The following BAG2 variants were observed in gnomAD, a reference collection of about 807,000 sequenced individuals.
The protein encoded by BAG2 is BAG cochaperone 2, also known as BAG family molecular chaperone regulator 2.
Under a neutral mutation model 16.4 loss-of-function variants are expected in BAG2, and 8 were observed. That is an observed-to-expected ratio of 0.49 (90% CI 0.29 to 0.88). The LOEUF is 0.88. Among genes scored for constraint, BAG2 ranks in the 40% least tolerant of loss-of-function variants. BAG2 has a pLI of 0.09. For synonymous variants in BAG2, 82 were observed against 89.2 expected, an observed-to-expected ratio of 0.92 and a Z score of 0.46; for missense variants, 218 against 248.9, an observed-to-expected ratio of 0.88 and a Z score of 0.84.
chr6:57,176,680 G>A (rs1764294241), intron 1 of BAG2, among the ~76,000 whole-genome samples: 1 of 152,208 alleles, frequency 6.6e-6, no homozygotes, highest in African/African-American at 2.4e-5. Context: ...AAGGGATGGG[G>A]TTGGGGGTGA....
At chr6:57,174,451 AAT>A in intron 1 of BAG2, 1 of 1,232,550 alleles carries the variant, frequency 8.1e-7, no homozygotes, top group Admixed American at 2.3e-5. Context: ...TCAGGTTTTG[AAT>A]ATTATTATAT....
Position 57,172,816 on chromosome 6 carries a change from C to A in BAG2, c.113+6C>A. 6.6e-7 allele frequency: 1 copy of A among 1,515,324 alleles called. No homozygotes were observed. Among genetic ancestry groups the A allele is most frequent in the Non-Finnish European group, 8.8e-7 (1 of 1,130,364 alleles). 93.9% of individuals were successfully genotyped at this position (1,515,324 alleles called of 1,614,324 possible). On this transcript the variant is annotated splice_donor_region_variant and intron_variant, in intron 1 of 2. Transcript: ENST00000370693. ...CTGGACCAGCTGGAGCTCAGGTGAG[C>A]TCCGGGCGGGCGGTCTCGGGCGTTC...
At position 57,184,249 on chromosome 6, in the gene BAG2, TTTAA is replaced by T. The variant is rs1438305765; in HGVS notation, c.*62_*65del. The T allele has an allele frequency of 1.4e-6, 2 of 1,385,552 alleles. No homozygotes were observed. The highest frequency in any genetic ancestry group is 1.9e-6 in the Non-Finnish European group (2 of 1,064,308). 85.8% of individuals were successfully genotyped at this position (1,385,552 alleles called of 1,614,324 possible). On this transcript the variant is annotated 3_prime_UTR_variant, in exon 3 of 3. Transcript: ENST00000370693. ...AGGTGTAAAAATGATAAAATACTAT[TTTAA>T]TTGATAACTAGTTCTTTGTTAGGTA...
intron 2 of BAG2, among the ~76,000 whole-genome samples, chr6:57,183,379 G>A (rs1764525839): frequency 6.6e-6 from 1 of 152,154 alleles, no homozygotes; most frequent in Non-Finnish European, 1.5e-5. Context: ...AAAATTTGGG[G>A]CATTGTATTC....
At position 57,188,209 on chromosome 6, in the gene BAG2, A is replaced by G. The variant is rs948299839; in HGVS notation, c.*4019A>G. ...TTGGAAAAAAAATGTCAATTTTTGA[A>G]GGCTTTAAGAATTGATTAAATTGAG... is the stretch of plus-strand genomic sequence containing the variant. On this transcript the variant is annotated 3_prime_UTR_variant, in exon 3 of 3. Transcript: ENST00000370693. The G allele has an allele frequency of 6.6e-6, 1 of 152,318 alleles. No individual in the cohort carries two copies. Among genetic ancestry groups the G allele is most frequent in the African/African-American group, 2.4e-5 (1 of 41,586 alleles). The allele number at this position is 152,318 out of a possible 1,614,324, so 9.4% of individuals were successfully genotyped here. A position where few individuals can be genotyped will look rare whatever the true frequency, so the allele number is the denominator to read the frequency against.
chr6:57,184,629 G>C lies in BAG2; in HGVS notation c.*439G>C, dbSNP rs1764569982. ...GTGTTAACAAAGCACTGTGCTTAGA[G>C]GGTAAAAAGGAATCACAAAACAAGA... On this transcript the variant is annotated 3_prime_UTR_variant, in exon 3 of 3. Transcript: ENST00000370693. The C allele has an allele frequency of 6.5e-6, 1 of 152,920 alleles. No individual in the cohort carries two copies. Among genetic ancestry groups the C allele is most frequent in the South Asian group, 2.1e-4 (1 of 4,828 alleles). The allele number at this position is 152,920 out of a possible 1,614,324, so 9.5% of individuals were successfully genotyped here. A position where few individuals can be genotyped will look rare whatever the true frequency, so the allele number is the denominator to read the frequency against.
At chr6:57,181,547 A>G (rs948091438) in intron 1 of BAG2, among the ~76,000 whole-genome samples, 3 of 152,058 alleles carry the variant, frequency 2.0e-5, no homozygotes, top group African/African-American at 7.3e-5. Context: ...CCTGGCCAAC[A>G]TGGTGAAACC....
At chr6:57,182,775 C>T (rs965644971) in intron 2 of BAG2, among the ~76,000 whole-genome samples, 1 of 152,134 alleles carries the variant, frequency 6.6e-6, no homozygotes, top group African/African-American at 2.4e-5. Flanking sequence ...CTCAGCCTCC[C>T]GAGTAGCTGG....
rs988822591 is a variant in BAG2, at chr6:57,188,849, TA to T, written c.*4661del. 7.2e-5 allele frequency: 11 copies of T among 152,162 alleles called. No individual in the cohort carries two copies. Among genetic ancestry groups the T allele is most frequent in the Non-Finnish European group, 1.6e-4 (11 of 68,014 alleles). 9.4% of individuals were successfully genotyped at this position (152,162 alleles called of 1,614,324 possible). A position where few individuals can be genotyped will look rare whatever the true frequency, so the allele number is the denominator to read the frequency against. ...AAGAGAACATTTACTTTTGATCACT[TA>T]ACAAGGACACACCCAGGAAATTTGA... On this transcript the variant is annotated 3_prime_UTR_variant, in exon 3 of 3. Transcript: ENST00000370693.
rs559818878 is a variant in BAG2, at chr6:57,189,467, C to T, written c.*5277C>T. On this transcript the variant is annotated 3_prime_UTR_variant, in exon 3 of 3. Transcript: ENST00000370693. ...GCAGCAAAAGGTGTTAGATGCATCA[C>T]CACACTTCACAGGACCTCCTGAATG... The T allele has an allele frequency of 2.0e-5, 3 of 152,292 alleles. No homozygotes were observed. Among genetic ancestry groups the T allele is most frequent in the African/African-American group, 7.2e-5 (3 of 41,558 alleles). The allele number at this position is 152,292 out of a possible 1,614,324, so 9.4% of individuals were successfully genotyped here.
Position 57,186,987 on chromosome 6 carries a change from C to T in BAG2, c.*2797C>T, listed in dbSNP as rs1281885161. On this transcript the variant is annotated 3_prime_UTR_variant, in exon 3 of 3. Coordinates refer to ENST00000370693, the MANE Select transcript of BAG2 (RefSeq NM_004282.4). ...TGTTGATACAATCATACATATCACA[C>T]AAAATTTTAGCTTTGAAATGCATTT... The T allele has an allele frequency of 6.6e-6, 1 of 152,080 alleles. No individual in the cohort carries two copies. The highest frequency in any genetic ancestry group is 1.9e-4 in the East Asian group (1 of 5,200). 9.4% of individuals were successfully genotyped at this position (152,080 alleles called of 1,614,324 possible).
In BAG2 at chr6:57,187,252, G is replaced by T. The variant is rs1764636971; in HGVS notation, c.*3062G>T. The T allele has an allele frequency of 6.6e-6, 1 of 152,154 alleles. No individual in the cohort carries two copies. The highest frequency in any genetic ancestry group is 2.4e-5 in the African/African-American group (1 of 41,430). 9.4% of individuals were successfully genotyped at this position (152,154 alleles called of 1,614,324 possible). ...CCTACTGTAGATATTTCGAGAGACA[G>T]ATGAAAATAATAATAATAAAGATTA... is the stretch of plus-strand genomic sequence containing the variant. On this transcript the variant is annotated 3_prime_UTR_variant, in exon 3 of 3. Coordinates refer to ENST00000370693, the MANE Select transcript of BAG2 (RefSeq NM_004282.4).
chr6:57,174,051 G>A (rs528472426), intron 1 of BAG2: 1 of 290,448 alleles, frequency 3.4e-6, no homozygotes, highest in East Asian at 1.0e-4. Context: ...CACTCAGAAT[G>A]AGGCAAGTGG....
intron 2 of BAG2, among the ~76,000 whole-genome samples, chr6:57,182,776 G>A (rs1449675646): frequency 4.6e-5 from 7 of 151,770 alleles, no homozygotes; most frequent in Non-Finnish European, 1.0e-4. Context: ...TCAGCCTCCC[G>A]AGTAGCTGGG....
At chr6:57,175,930 GA>G (rs1231687795) in intron 1 of BAG2, among the ~76,000 whole-genome samples, 1 of 152,188 alleles carries the variant, frequency 6.6e-6, no homozygotes, top group Non-Finnish European at 1.5e-5. Context: ...AGAAGTTCTG[GA>G]GGCCTAGACT....
rs976562563 is a variant in BAG2, at chr6:57,185,027, A to G, written c.*837A>G. 2.0e-5 allele frequency: 3 copies of G among 152,090 alleles called. No homozygotes were observed. Among genetic ancestry groups the G allele is most frequent in the African/African-American group, 7.2e-5 (3 of 41,426 alleles). 9.4% of individuals were successfully genotyped at this position (152,090 alleles called of 1,614,324 possible). Reference sequence around the variant, plus strand: ...CAACTTGTTGCTATTACTGCAACATATTTTTGTACACAGGACTTTTTCCTT... The same window carrying G: ...CAACTTGTTGCTATTACTGCAACATGTTTTTGTACACAGGACTTTTTCCTT... On this transcript the variant is annotated 3_prime_UTR_variant, in exon 3 of 3. Transcript: ENST00000370693.
intron 1 of BAG2, chr6:57,173,380 T>G (rs1280240513): frequency 1.0e-6 from 1 of 985,224 alleles, no homozygotes; most frequent in Non-Finnish European, 1.2e-6. Flanking sequence ...AGTTACCGGG[T>G]GCTTCGTGCA....
At position 57,185,372 on chromosome 6, in the gene BAG2, A is replaced by G. The variant is rs995484345; in HGVS notation, c.*1182A>G. ...GTCCTATTGATATACAAAAACCACA[A>G]CAACTTCCCTGGATACTATTTTGAA... On this transcript the variant is annotated 3_prime_UTR_variant, in exon 3 of 3. Transcript: ENST00000370693. 24 of 152,218 alleles carry G rather than the reference A, an allele frequency of 1.6e-4. No homozygotes were observed. Among genetic ancestry groups the G allele is most frequent in the African/African-American group, 5.5e-4 (23 of 41,458 alleles). 9.4% of individuals were successfully genotyped at this position (152,218 alleles called of 1,614,324 possible). A position where few individuals can be genotyped will look rare whatever the true frequency, so the allele number is the denominator to read the frequency against.
intron 1 of BAG2, 40 bp downstream of exon 1, chr6:57,172,850 G>A: frequency 2.8e-6 from 4 of 1,412,094 alleles, no homozygotes; most frequent in Admixed American, 6.1e-5. Flanking sequence ...TCTGCTCGCC[G>A]CGCGGGCGGT....
Sources: allele counts gnomAD v4.1 joint callset (sites outside exome capture counted in the v4.1 genomes callset), GRCh38; gene constraint gnomAD v4.1.1; transcripts MANE v1.5; gene names NCBI Gene and HGNC (gene_info 2026-07-23, HGNC 2026-07-21).